Variants in DNAH17 observed in about 807,000 individuals in gnomAD.
The protein encoded by DNAH17 is dynein axonemal heavy chain 17.
Under a neutral mutation model 485.6 loss-of-function variants are expected in DNAH17, and 376 were observed. That is an observed-to-expected ratio of 0.77 (90% CI 0.71 to 0.84). DNAH17 has a LOEUF of 0.84. Ranked by LOEUF, DNAH17 falls within the 40% of genes least tolerant of loss-of-function variation. The pLI is 0.00. For synonymous variants in DNAH17, 3,031 were observed against 2,405.9 expected, an observed-to-expected ratio of 1.26 and a Z score of -7.60; for missense variants, 6,370 against 5,839.3, an observed-to-expected ratio of 1.09 and a Z score of -2.96.
chr17:78,436,948 T>G (rs1270070580), intron 74 of DNAH17, among the ~76,000 whole-genome samples: 1 of 151,274 alleles, frequency 6.6e-6, no homozygotes. Context: ...GAGGGAAGAG[T>G]CAGGTGAGGA....
At chr17:78,548,902 G>A (rs1176598222) in intron 16 of DNAH17, among the ~76,000 whole-genome samples, 2 of 152,266 alleles carry the variant, frequency 1.3e-5, no homozygotes, top group Admixed American at 1.3e-4. Flanking sequence ...TAAGTGCAGA[G>A]CATGCTGGTC....
At position 78,445,609 on chromosome 17, in the gene DNAH17, T is replaced by G. The variant is rs748785766; in HGVS notation, c.11283A>C (p.Gly3761=). 2.6e-6 allele frequency: 4 copies of G among 1,565,650 alleles called. No individual in the cohort carries two copies. Among genetic ancestry groups the G allele is most frequent in the Non-Finnish European group, 3.5e-6 (4 of 1,154,910 alleles). Residue 3761 remains glycine, a synonymous_variant, in exon 70 of 81, where the codon GGA becomes GGC. Coordinates refer to ENST00000389840, the MANE Select transcript of DNAH17 (RefSeq NM_173628.4). The stretch of plus-strand genomic sequence containing the variant: ...GGAGGAAGTCCACTGGTGAGACCAC[T>G]CCGGCCTTAAAAGGGAACCGCAGGA... ...DFLLRFPFKA[G]VVSPVDFLQH... is the part of the protein sequence containing the mutation.
chr17:78,562,479 A>G (rs751798925), intron 11 of DNAH17, among the ~76,000 whole-genome samples: 4 of 152,174 alleles, frequency 2.6e-5, no homozygotes, highest in Non-Finnish European at 2.9e-5. Flanking sequence ...CAGTTTTTGT[A>G]TTCTTTTGGG....
Position 78,424,565 on chromosome 17 carries a change from C to T in DNAH17, c.13142-412G>A, listed in dbSNP as rs551543339. On this transcript the variant is annotated intron_variant, in intron 80 of 80. Transcript: ENST00000389840. ...TATACATCTGTGCATATAAATATTG[C>T]CTTTAACCAGACTGCTATTATTTCT... The T allele has an allele frequency of 9.5e-5, 15 of 157,606 alleles. 1 individual carries two copies. In the South Asian group the frequency reaches 2.9e-3, roughly 31 times the overall value. The allele number at this position is 157,606 out of a possible 1,614,324, so 9.8% of individuals were successfully genotyped here. A position where few individuals can be genotyped will look rare whatever the true frequency, so the allele number is the denominator to read the frequency against.
intron 69 of DNAH17, among the ~76,000 whole-genome samples, chr17:78,446,408 G>A (rs919366300): frequency 5.3e-5 from 8 of 151,856 alleles, no homozygotes; most frequent in African/African-American, 1.9e-4. Context: ...TTGTATAAAT[G>A]GAAGCACACG....
Position 78,486,020 on chromosome 17 carries a change from C to G in DNAH17, c.7215G>C (p.Lys2405Asn). ...FDYYIDPDTK[K>N]FLPWTDKVPS... ...GCACTTTATCTGTCCAGGGCAGGAA[C>G]TTTTTTGTGTCAGGATCAATGTAGT... Residue 2405 changes from lysine (K) to asparagine (N), a missense_variant, in exon 46 of 81, where the codon AAG becomes AAC. Physicochemically the swap from Lys to Asn is moderately conservative, Grantham distance 94 (BLOSUM62 0). Coordinates refer to ENST00000389840, the MANE Select transcript of DNAH17 (RefSeq NM_173628.4). 1.9e-6 allele frequency: 3 copies of G among 1,613,940 alleles called. No individual in the cohort carries two copies. In the South Asian group the frequency reaches 3.3e-5, roughly 18 times the overall value.
chr17:78,544,395 C>T (rs571317169), intron 16 of DNAH17, among the ~76,000 whole-genome samples: 3 of 152,290 alleles, frequency 2.0e-5, no homozygotes, highest in Admixed American at 6.5e-5. Context: ...CGGAGGGCCA[C>T]GTGGGAGTAA....
chr17:78,514,093 G>A (rs1029247357), intron 26 of DNAH17, among the ~76,000 whole-genome samples: 4 of 152,126 alleles, frequency 2.6e-5, no homozygotes, highest in East Asian at 1.9e-4. Context: ...GGACCCTAGC[G>A]AAGCTGTTCA....
At chr17:78,576,280 A>G (rs926084488) in intron 1 of DNAH17, among the ~76,000 whole-genome samples, 9 of 152,222 alleles carry the variant, frequency 5.9e-5, no homozygotes, top group Non-Finnish European at 1.2e-4. Context: ...TATATCGGCA[A>G]AACAACTATA....
intron 3 of DNAH17, 58 bp downstream of exon 3, chr17:78,572,643 G>T (rs1345659044): frequency 5.5e-6 from 8 of 1,452,524 alleles, no homozygotes; most frequent in African/African-American, 2.8e-5. Flanking sequence ...GGGGGTGGGG[G>T]TCAAGCATGT....
intron 17 of DNAH17, chr17:78,543,631 G>A (rs1156850717): frequency 2.7e-5 from 17 of 624,780 alleles, no homozygotes; most frequent in Non-Finnish European, 4.7e-5. Context: ...CACCACGTTG[G>A]TCAAGCTGGT....
At chr17:78,512,993 A>G (rs1158818707) in intron 26 of DNAH17, among the ~76,000 whole-genome samples, 6 of 149,908 alleles carry the variant, frequency 4.0e-5, no homozygotes, top group African/African-American at 1.5e-4. Flanking sequence ...TCAGCCCCTT[A>G]TCAGCCCAGA....
chr17:78,523,938 GAA>G (rs1483046169), intron 25 of DNAH17, among the ~76,000 whole-genome samples: 1 of 152,128 alleles, frequency 6.6e-6, no homozygotes, highest in Non-Finnish European at 1.5e-5. Flanking sequence ...TTTTAAAAAA[GAA>G]AATATGCTGG....
intron 2 of DNAH17, among the ~76,000 whole-genome samples, 181 bp from the exon 3 acceptor site, chr17:78,573,075 A>G (rs921897621): frequency 1.3e-5 from 2 of 151,936 alleles, no homozygotes; most frequent in South Asian, 4.2e-4. Context: ...GCCCTGGGAA[A>G]ACTGGATCCT....
chr17:78,547,038 A>C (rs2143520304), intron 16 of DNAH17, among the ~76,000 whole-genome samples: 1 of 152,328 alleles, frequency 6.6e-6, no homozygotes, highest in African/African-American at 2.4e-5. Flanking sequence ...CACCATGGAT[A>C]TGGTTTCTAC....
At chr17:78,444,864 C>A in intron 70 of DNAH17, 67 bp from the exon 71 acceptor site, 7 of 1,419,938 alleles carry the variant, frequency 4.9e-6, no homozygotes, top group South Asian at 4.7e-5. Context: ...CCTTCCTGTA[C>A]AGTTCATTCA....
Position 78,437,824 on chromosome 17 carries a change from C to G in DNAH17, c.11850G>C (p.Lys3950Asn). ...VARWLGTLDK[K>N]LEHYSTGSHE... ...GGCTGCCCGTGCTGTAGTGCTCCAG[C>G]TTCTTGTCCAGTGTTCCCAGCCACC... Residue 3950 changes from lysine (K) to asparagine (N), a missense_variant, in exon 74 of 81, where the codon AAG becomes AAC. Lys to Asn is a moderately conservative substitution (Grantham distance 94). Transcript: ENST00000389840. 1 of 1,612,036 alleles carries G rather than the reference C, an allele frequency of 6.2e-7. No homozygotes were observed. Among genetic ancestry groups the G allele is most frequent in the Non-Finnish European group, 8.5e-7 (1 of 1,179,464 alleles).
Position 78,459,849 on chromosome 17 carries a change from G to C in DNAH17, c.9588C>G (p.Thr3196=). 6.2e-7 allele frequency: 1 copy of C among 1,614,062 alleles called. No individual in the cohort carries two copies. The highest frequency in any genetic ancestry group is 8.5e-7 in the Non-Finnish European group (1 of 1,179,902). ...AAKIMMGKVD[T]FLDSLKKFDK... ...CGAACTTCTTCAGGGAGTCTAGGAAGGTGTCCACCTTGCCCATCATGATCT... is the reference window on the plus strand; with the variant it reads ...CGAACTTCTTCAGGGAGTCTAGGAACGTGTCCACCTTGCCCATCATGATCT... Residue 3196 remains threonine, a synonymous_variant, in exon 60 of 81, where the codon ACC becomes ACG. Coordinates refer to ENST00000389840, the MANE Select transcript of DNAH17 (RefSeq NM_173628.4).
chr17:78,425,127 T>C (rs1460688585), intron 80 of DNAH17: 1 of 488,416 alleles, frequency 2.0e-6, no homozygotes, highest in Non-Finnish European at 3.6e-6. Context: ...GGGGTGTTTT[T>C]GGTCTCCTCC....
Sources: allele counts gnomAD v4.1 joint callset (sites outside exome capture counted in the v4.1 genomes callset), GRCh38; gene constraint gnomAD v4.1.1; transcripts MANE v1.5; gene names NCBI Gene and HGNC (gene_info 2026-07-23, HGNC 2026-07-21).